Variants in PLXDC2 observed in about 807,000 individuals in gnomAD.
PLXDC2 encodes plexin domain-containing protein 2.
PLXDC2 carries 40 observed loss-of-function variants against 68.9 expected under a neutral mutation model. The ratio of observed to expected loss-of-function variants is 0.58; its 90% confidence interval spans 0.45 to 0.76. PLXDC2 has a LOEUF of 0.76. PLXDC2 is among the 30% of genes least tolerant of loss of function. The pLI is 0.00. For missense variants in PLXDC2, 644 were observed against 661.9 expected, an observed-to-expected ratio of 0.97 and a Z score of 0.30; for synonymous variants, 243 against 234.2, an observed-to-expected ratio of 1.04 and a Z score of -0.34.
chr10:19,902,117 T>C (rs1361629226), intron 1 of PLXDC2, among the ~76,000 whole-genome samples: 2 of 152,182 alleles, frequency 1.3e-5, no homozygotes, highest in African/African-American at 4.8e-5. Context: ...TGCCTCCAGA[T>C]TTGTTCTTTT....
chr10:19,825,603 G>T (rs1246629504), intron 1 of PLXDC2, among the ~76,000 whole-genome samples: 1 of 152,076 alleles, frequency 6.6e-6, no homozygotes, highest in Non-Finnish European at 1.5e-5. Context: ...ACCATTTTCT[G>T]TCTGAAACCA....
chr10:19,994,252 CCT>C (rs1564650553), intron 1 of PLXDC2, among the ~76,000 whole-genome samples: 1 of 77,746 alleles, frequency 1.3e-5, no homozygotes, highest in Admixed American at 1.4e-4. Context: ...ATTGTATTCT[CCT>C]TTTTTTTTTT....
intron 3 of PLXDC2, among the ~76,000 whole-genome samples, chr10:20,053,628 G>A (rs1163100261): frequency 6.6e-6 from 1 of 151,896 alleles, no homozygotes; most frequent in Non-Finnish European, 1.5e-5. Context: ...TTTATTTCTG[G>A]ACACACAGTT....
At chr10:20,072,577 G>C (rs1238746695) in intron 4 of PLXDC2, among the ~76,000 whole-genome samples, 3 of 137,314 alleles carry the variant, frequency 2.2e-5, no homozygotes, top group Non-Finnish European at 3.3e-5. Flanking sequence ...AAGAAATCTA[G>C]ATGACATCCA....
At chr10:19,933,824 GGGAAGGAA>G (rs1339610277) in intron 1 of PLXDC2, among the ~76,000 whole-genome samples, 1 of 135,622 alleles carries the variant, frequency 7.4e-6, no homozygotes, top group Non-Finnish European at 1.6e-5. Context: ...AAAGGAAGGA[GGGAAGGAA>G]GGAAGGAGGG....
intron 13 of PLXDC2, among the ~76,000 whole-genome samples, chr10:20,257,845 G>A (rs369160359): frequency 6.6e-6 from 1 of 151,478 alleles, no homozygotes; most frequent in East Asian, 1.9e-4. Context: ...CTACATAGTA[G>A]GTGTATATAT....
chr10:20,003,279 G>T (rs971176373), intron 2 of PLXDC2, among the ~76,000 whole-genome samples: 14 of 152,260 alleles, frequency 9.2e-5, no homozygotes, highest in African/African-American at 3.1e-4. Context: ...GCTCAGGCAC[G>T]GCTTCGGCTG....
chr10:20,061,115 T>C (rs1172610620), intron 3 of PLXDC2, among the ~76,000 whole-genome samples: 1 of 152,236 alleles, frequency 6.6e-6, no homozygotes, highest in Non-Finnish European at 1.5e-5. Flanking sequence ...CGTGGTACCA[T>C]TGACAATATC....
intron 1 of PLXDC2, among the ~76,000 whole-genome samples, chr10:19,968,490 T>C (rs981529852): frequency 1.3e-5 from 2 of 152,106 alleles, no homozygotes; most frequent in African/African-American, 4.8e-5. Flanking sequence ...TTTTTTTGTT[T>C]TTAGTAGAGA....
chr10:20,118,664 G>A (rs113070960), intron 4 of PLXDC2, among the ~76,000 whole-genome samples: 4,298 of 152,104 alleles, frequency 0.028, 83 homozygotes, highest in South Asian at 0.073. Flanking sequence ...TAGAATGTTG[G>A]GTAATTTTAA....
intron 12 of PLXDC2, among the ~76,000 whole-genome samples, chr10:20,236,994 G>GTTTTTTTTTTTT (rs1257989023): frequency 7.2e-6 from 1 of 139,802 alleles, no homozygotes. Context: ...GGGATTATGA[G>GTTTTTTTTTTTT]TTGTTGTTTT....
At chr10:19,996,118 A>G (rs1834839707) in intron 1 of PLXDC2, among the ~76,000 whole-genome samples, 1 of 152,134 alleles carries the variant, frequency 6.6e-6, no homozygotes, top group Admixed American at 6.6e-5. Flanking sequence ...AGTGGAGAAA[A>G]GGTTGTAAAA....
At chr10:19,917,069 A>G (rs1436133272) in intron 1 of PLXDC2, among the ~76,000 whole-genome samples, 2 of 152,220 alleles carry the variant, frequency 1.3e-5, no homozygotes, top group Admixed American at 6.5e-5. Context: ...TCTAAGTTGG[A>G]AAGTCACTAT....
chr10:19,898,904 A>G (rs1838110695), intron 1 of PLXDC2, among the ~76,000 whole-genome samples: 1 of 152,234 alleles, frequency 6.6e-6, no homozygotes, highest in Admixed American at 6.5e-5. Context: ...GCTACTTTAT[A>G]GCCACTGGGC....
chr10:19,892,042 T>C (rs1837972431), intron 1 of PLXDC2, among the ~76,000 whole-genome samples: 1 of 152,198 alleles, frequency 6.6e-6, no homozygotes, highest in Non-Finnish European at 1.5e-5. Flanking sequence ...GACTTTAGAA[T>C]GACAGAATAT....
intron 1 of PLXDC2, among the ~76,000 whole-genome samples, chr10:19,988,432 ACTAT>A (rs1215066408): frequency 1.3e-5 from 2 of 152,164 alleles, no homozygotes; most frequent in Admixed American, 6.6e-5. Context: ...TCTTAATATC[ACTAT>A]CTATAATTTG....
rs571795302 is a variant in PLXDC2 at position 19,817,039 on chromosome 10, C to A, written c.-41C>A. ...TGCATCGGGAGCCCCCGAGCACCGGCGAAGGACTGGCGGGTGGGGTAGGGA... is the reference window on the plus strand; with the variant it reads ...TGCATCGGGAGCCCCCGAGCACCGGAGAAGGACTGGCGGGTGGGGTAGGGA... On this transcript the variant is annotated 5_prime_UTR_variant, in exon 1 of 14. Transcript: ENST00000377252. The A allele has an allele frequency of 1.4e-6, 2 of 1,472,422 alleles. No homozygotes were observed. The highest frequency in any genetic ancestry group is 1.8e-6 in the Non-Finnish European group (2 of 1,087,122). The allele number at this position is 1,472,422 out of a possible 1,614,324, so 91.2% of individuals were successfully genotyped here.
chr10:19,834,759 ATT>A (rs2131312366), intron 1 of PLXDC2, among the ~76,000 whole-genome samples: 1 of 152,354 alleles, frequency 6.6e-6, no homozygotes, highest in East Asian at 1.9e-4. Flanking sequence ...CTATACAAAC[ATT>A]TGCTAGATGT....
At chr10:19,921,182 C>A (rs1833456738) in intron 1 of PLXDC2, among the ~76,000 whole-genome samples, 1 of 151,386 alleles carries the variant, frequency 6.6e-6, no homozygotes, top group African/African-American at 2.4e-5. Context: ...CCACTTTGGC[C>A]TCCCAAAACA....
Sources: gnomAD v4.1 joint callset for allele counts (sites outside exome capture counted in the v4.1 genomes callset) on GRCh38, gnomAD v4.1.1 for gene constraint, MANE v1.5 for transcripts, NCBI Gene and HGNC (gene_info 2026-07-23, HGNC 2026-07-21) for gene names.